TBXAS1: variants seen among roughly 807,000 people sequenced by gnomAD.
TBXAS1 encodes the protein thromboxane-A synthase.
A neutral mutation model predicts 60.7 loss-of-function variants in TBXAS1; 48 were observed. The observed-to-expected ratio is 0.79, with a 90% CI of 0.63 to 1.01. The LOEUF is 1.01. Among genes scored for constraint, TBXAS1 ranks in the 50% least tolerant of loss-of-function variants. TBXAS1 has a pLI of 0.00. For synonymous variants in TBXAS1, 287 were observed against 269.7 expected (o/e 1.06, Z -0.63); for missense variants, 685 against 686.3 (o/e 1.00, Z 0.02).
intron 9 of TBXAS1, among the ~76,000 whole-genome samples, chr7:139,976,329 G>T (rs537721000): frequency 6.6e-6 from 1 of 152,148 alleles, no homozygotes; most frequent in African/African-American, 2.4e-5. Context: ...GGAGCCGGGG[G>T]ACAGCCCTGC....
chr7:139,867,834 A>AAATAAATAAATC (rs143630805), intron 1 of TBXAS1, among the ~76,000 whole-genome samples: 20 of 150,202 alleles, frequency 1.3e-4, no homozygotes, highest in Middle Eastern at 6.5e-3. Flanking sequence ...AATAATAAAT[A>AAATAAATAAATC]AATAAATAAA....
intron 8 of TBXAS1, 88 bp downstream of exon 8, chr7:139,957,852 C>T: frequency 6.3e-7 from 1 of 1,575,228 alleles, no homozygotes; most frequent in Non-Finnish European, 8.7e-7. Context: ...CCCTCTCAGC[C>T]CCGCACATCA....
chr7:139,968,650 T>G lies in TBXAS1; in HGVS notation c.1134+6417T>G, dbSNP rs139191066. Among the ~76,000 whole-genome samples the G allele has an allele frequency of 1.4e-3, 209 of 152,344 alleles. 2 individuals carry two copies. The highest frequency in any genetic ancestry group is 4.9e-3 in the African/African-American group (203 of 41,590). Reference sequence around the variant, plus strand: ...CTGATTCTTTCTGGGCCACATGTGTTTTCTTCCAAATCGTCTTGTTTGGGA... The same window carrying G: ...CTGATTCTTTCTGGGCCACATGTGTGTTCTTCCAAATCGTCTTGTTTGGGA... On this transcript the variant is annotated intron_variant, in intron 9 of 12. Coordinates refer to ENST00000448866, the MANE Select transcript of TBXAS1 (RefSeq NM_001061.7).
intron 4 of TBXAS1, among the ~76,000 whole-genome samples, chr7:139,803,585 A>G (rs930622263): frequency 4.6e-5 from 7 of 152,214 alleles, no homozygotes; most frequent in African/African-American, 1.7e-4. Context: ...AGGGTATGTC[A>G]GAGACCTTTG....
intron 4 of TBXAS1, among the ~76,000 whole-genome samples, chr7:139,926,382 A>G (rs930961747): frequency 3.3e-5 from 5 of 152,098 alleles, no homozygotes; most frequent in African/African-American, 1.2e-4. Flanking sequence ...GACAGGTTGT[A>G]TGTGTCTAGG....
At chr7:139,790,908 T>C (rs564113459) in intron 4 of TBXAS1, among the ~76,000 whole-genome samples, 17 of 152,278 alleles carry the variant, frequency 1.1e-4, no homozygotes, top group Admixed American at 9.2e-4. Context: ...GCTTAAGCAA[T>C]CCTGCCACCT....
intron 2 of TBXAS1, among the ~76,000 whole-genome samples, chr7:139,781,463 C>T (rs1278707873): frequency 2.0e-5 from 3 of 152,126 alleles, no homozygotes; most frequent in Non-Finnish European, 4.4e-5. Flanking sequence ...TGGAGGACAG[C>T]CAGGACGGGG....
At chr7:139,883,716 G>A (rs1276854917) in intron 3 of TBXAS1, among the ~76,000 whole-genome samples, 3 of 152,098 alleles carry the variant, frequency 2.0e-5, no homozygotes, top group Non-Finnish European at 4.4e-5. Flanking sequence ...GTGGGATTTG[G>A]ACTAGGTCGG....
intron 3 of TBXAS1, among the ~76,000 whole-genome samples, chr7:139,894,848 C>T (rs1238851544): frequency 6.6e-6 from 1 of 152,206 alleles, no homozygotes; most frequent in African/African-American, 2.4e-5. Context: ...ACGTGTACAG[C>T]ATGGAGCTCA....
intron 4 of TBXAS1, among the ~76,000 whole-genome samples, chr7:139,824,235 G>C (rs1328054336): frequency 1.3e-5 from 2 of 152,200 alleles, no homozygotes; most frequent in Non-Finnish European, 2.9e-5. Context: ...TGGAGTGAGT[G>C]GAGACAGGGT....
At chr7:139,833,509 CAAAAAAA>C (rs56291914) in intron 1 of TBXAS1, among the ~76,000 whole-genome samples, 15 of 74,408 alleles carry the variant, frequency 2.0e-4, no homozygotes, top group South Asian at 1.2e-3. Context: ...ACTAAAAATA[CAAAAAAA>C]AAAAAAAAAA....
chr7:140,015,928 AG>A, intron 11 of TBXAS1, 68 bp downstream of exon 11: 1 of 1,607,766 alleles, frequency 6.2e-7, no homozygotes, highest in Non-Finnish European at 8.5e-7. Context: ...TTACCAGTGG[AG>A]GCAGCAGCCG....
rs181280778 is a variant in TBXAS1 at position 139,868,607 on chromosome 7, C to A, written c.90-3628C>A. Among the ~76,000 whole-genome samples the A allele has an allele frequency of 3.3e-3, 497 of 151,536 alleles. 3 individuals carry two copies. Among genetic ancestry groups the A allele is most frequent in the African/African-American group, 0.011 (471 of 41,274 alleles). Reference sequence around the variant, plus strand: ...CAAGTGATCCTCCCATCCCAGCCTTCCAAGTAGCTGGGACTATAGGTGTGT... The same window carrying A: ...CAAGTGATCCTCCCATCCCAGCCTTACAAGTAGCTGGGACTATAGGTGTGT... On this transcript the variant is annotated intron_variant, in intron 1 of 12. Transcript: ENST00000448866.
intron 6 of TBXAS1, among the ~76,000 whole-genome samples, 199 bp from the exon 7 acceptor site, chr7:139,955,260 C>A (rs551149220): frequency 6.6e-6 from 1 of 152,252 alleles, no homozygotes; most frequent in African/African-American, 2.4e-5. Context: ...CACCCTCTGC[C>A]GTCACTGCTC....
chr7:139,812,436 A>G (rs1312655888), intron 4 of TBXAS1, among the ~76,000 whole-genome samples: 1 of 152,220 alleles, frequency 6.6e-6, no homozygotes, highest in Non-Finnish European at 1.5e-5. Context: ...AGTAATACAC[A>G]TTCATTCTAG....
intron 4 of TBXAS1, among the ~76,000 whole-genome samples, chr7:139,810,723 C>T (rs548391528): frequency 2.4e-4 from 37 of 152,326 alleles, no homozygotes; most frequent in African/African-American, 8.4e-4. Context: ...TTATTTTATA[C>T]TTCACTAGGA....
chr7:139,893,435 G>A (rs1584785707), intron 3 of TBXAS1, among the ~76,000 whole-genome samples: 1 of 151,688 alleles, frequency 6.6e-6, no homozygotes, highest in Non-Finnish European at 1.5e-5. Flanking sequence ...TTCAGGGACA[G>A]CCAAATGACT....
At chr7:139,927,139 C>T (rs1806947042) in intron 4 of TBXAS1, among the ~76,000 whole-genome samples, 1 of 151,266 alleles carries the variant, frequency 6.6e-6, no homozygotes, top group Non-Finnish European at 1.5e-5. Flanking sequence ...GGATTACAGG[C>T]GTGCACCACC....
rs550010323 is a variant in TBXAS1, at chr7:139,888,116, C to T, written c.236+12479C>T. ...CCAGTAAGCGCATTTTTAACCAAAC[C>T]GACCCCATTATCAACAAATGCTTGC... is the stretch of plus-strand genomic sequence containing the variant. On this transcript the variant is annotated intron_variant, in intron 3 of 12. Transcript: ENST00000448866. Among the ~76,000 whole-genome samples, 18 of 152,266 alleles carry T rather than the reference C, an allele frequency of 1.2e-4. 1 individual carries two copies. The highest frequency in any genetic ancestry group is 3.4e-3 in the Middle Eastern group (1 of 294).
Sources: gnomAD v4.1 joint callset for allele counts (sites outside exome capture counted in the v4.1 genomes callset) on GRCh38, gnomAD v4.1.1 for gene constraint, MANE v1.5 for transcripts, NCBI Gene and HGNC (gene_info 2026-07-23, HGNC 2026-07-21) for gene names.